FAT3: variants seen among roughly 807,000 people sequenced by gnomAD.
FAT3 encodes FAT atypical cadherin 3.
Under a neutral mutation model 310.2 loss-of-function variants are expected in FAT3, and 95 were observed. The ratio of observed to expected loss-of-function variants is 0.31; its 90% CI spans 0.26 to 0.36. The LOEUF is 0.36. Among genes scored for constraint, FAT3 ranks in the 10% least tolerant of loss-of-function variants. The pLI, the probability that FAT3 is intolerant of heterozygous loss-of-function variation, is 1.00. For synonymous variants in FAT3, 2,314 were observed against 2,192.9 expected, an observed-to-expected ratio of 1.06 and a Z score of -1.54; for missense variants, 5,408 against 5,715.6, an observed-to-expected ratio of 0.95 and a Z score of 1.74.
At chr11:92,865,938 G>A (rs1197189195) in intron 21 of FAT3, among the ~76,000 whole-genome samples, 1 of 152,174 alleles carries the variant, frequency 6.6e-6, no homozygotes, top group Non-Finnish European at 1.5e-5. Flanking sequence ...CCCAAACCAT[G>A]GCTGGGAGCA....
chr11:92,616,691 G>A (rs1041234100), intron 3 of FAT3, among the ~76,000 whole-genome samples: 1 of 152,128 alleles, frequency 6.6e-6, no homozygotes, highest in African/African-American at 2.4e-5. Context: ...AAATCTCTCA[G>A]CATTTGTTTT....
chr11:92,570,296 C>T (rs1003766078), intron 3 of FAT3, among the ~76,000 whole-genome samples: 8 of 152,138 alleles, frequency 5.3e-5, no homozygotes, highest in African/African-American at 1.9e-4. Context: ...ACAAGCCAGT[C>T]CTTGGTCATC....
At chr11:92,286,809 G>A (rs1292030856) in intron 1 of FAT3, among the ~76,000 whole-genome samples, 1 of 152,182 alleles carries the variant, frequency 6.6e-6, no homozygotes, top group African/African-American at 2.4e-5. Context: ...TGCATTAGGT[G>A]TGTAGCCTGA....
intron 1 of FAT3, among the ~76,000 whole-genome samples, chr11:92,231,835 T>C (rs1352606290): frequency 1.3e-5 from 2 of 151,800 alleles, no homozygotes; most frequent in Non-Finnish European, 2.9e-5. Context: ...AAATTCTATG[T>C]AAGTCTGTGT....
chr11:92,822,496 T>C (rs1947993800), intron 13 of FAT3, among the ~76,000 whole-genome samples: 1 of 152,198 alleles, frequency 6.6e-6, no homozygotes, highest in South Asian at 2.1e-4. Context: ...CTCCAGGGCA[T>C]GTTGAGGCTT....
intron 3 of FAT3, among the ~76,000 whole-genome samples, chr11:92,682,605 C>T (rs888731735): frequency 1.3e-5 from 2 of 152,106 alleles, no homozygotes; most frequent in Non-Finnish European, 1.5e-5. Context: ...CATTCAGTTG[C>T]GAACTGAAAC....
At chr11:92,731,360 C>G (rs1945172462) in intron 4 of FAT3, among the ~76,000 whole-genome samples, 1 of 152,098 alleles carries the variant, frequency 6.6e-6, no homozygotes, top group Non-Finnish European at 1.5e-5. Flanking sequence ...ATGGTGCCAG[C>G]CATCCTACAG....
intron 2 of FAT3, among the ~76,000 whole-genome samples, chr11:92,466,117 G>A (rs931546838): frequency 6.6e-6 from 1 of 152,128 alleles, no homozygotes; most frequent in East Asian, 1.9e-4. Context: ...TGTATCCAAG[G>A]TAGGAATGAT....
chr11:92,617,053 A>G (rs1157435351), intron 3 of FAT3, among the ~76,000 whole-genome samples: 2 of 152,154 alleles, frequency 1.3e-5, no homozygotes, highest in African/African-American at 4.8e-5. Context: ...GTTCTCCTGG[A>G]TAATATCCTG....
chr11:92,383,826 A>T (rs1326727879), intron 2 of FAT3, among the ~76,000 whole-genome samples: 3 of 152,136 alleles, frequency 2.0e-5, no homozygotes, highest in Non-Finnish European at 2.9e-5. Flanking sequence ...CATTTTTTTT[A>T]AAAGGAAAGA....
At chr11:92,626,013 C>G (rs1213373752) in intron 3 of FAT3, among the ~76,000 whole-genome samples, 1 of 152,116 alleles carries the variant, frequency 6.6e-6, no homozygotes, top group African/African-American at 2.4e-5. Context: ...CAGAAAAATG[C>G]AAGAGAGTAG....
chr11:92,637,835 T>A (rs912063519), intron 3 of FAT3, among the ~76,000 whole-genome samples: 1 of 152,228 alleles, frequency 6.6e-6, no homozygotes, highest in Non-Finnish European at 1.5e-5. Context: ...ACATCCCTTA[T>A]TATACATGAG....
chr11:92,728,596 AAAC>A (rs1945072244), intron 4 of FAT3, among the ~76,000 whole-genome samples: 1 of 152,122 alleles, frequency 6.6e-6, no homozygotes, highest in Non-Finnish European at 1.5e-5. Context: ...TGTTGGCTTA[AAAC>A]AACAAGAATT....
chr11:92,413,010 G>A (rs1481768556), intron 2 of FAT3, among the ~76,000 whole-genome samples: 1 of 151,684 alleles, frequency 6.6e-6, no homozygotes, highest in Non-Finnish European at 1.5e-5. Flanking sequence ...TGTGGGTTTG[G>A]ACAAATGTAT....
intron 17 of FAT3, among the ~76,000 whole-genome samples, chr11:92,838,357 C>A (rs2136277894): frequency 6.6e-6 from 1 of 152,302 alleles, no homozygotes; most frequent in East Asian, 1.9e-4. Context: ...TTGTTTAACA[C>A]TTTAAATCCA....
At chr11:92,775,128 C>T (rs1946565597) in intron 7 of FAT3, among the ~76,000 whole-genome samples, 1 of 152,110 alleles carries the variant, frequency 6.6e-6, no homozygotes, top group Non-Finnish European at 1.5e-5. Context: ...TCATCAAGGC[C>T]CATTTTTCTG....
At chr11:92,882,585 T>C (rs112825199) in intron 23 of FAT3, among the ~76,000 whole-genome samples, 153 bp from the exon 24 acceptor site, 7,834 of 91,632 alleles carry the variant, frequency 0.085, 171 homozygotes, top group African/African-American at 0.12. Flanking sequence ...TAACTCCCCC[T>C]CCCCCCCCCC....
At chr11:92,586,608 T>C (rs1410399980) in intron 3 of FAT3, among the ~76,000 whole-genome samples, 1 of 151,782 alleles carries the variant, frequency 6.6e-6, no homozygotes, top group Non-Finnish European at 1.5e-5. Context: ...GCCAGGGTAA[T>C]AGAGTTGTTA....
intron 2 of FAT3, among the ~76,000 whole-genome samples, chr11:92,487,550 T>G (rs1224728643): frequency 6.6e-6 from 1 of 152,166 alleles, no homozygotes; most frequent in Non-Finnish European, 1.5e-5. Context: ...AGAGATCTTT[T>G]AACTCTCGCA....
Sources: gnomAD v4.1 joint callset for allele counts (sites outside exome capture counted in the v4.1 genomes callset) on GRCh38, gnomAD v4.1.1 for gene constraint, MANE v1.5 for transcripts, NCBI Gene and HGNC (gene_info 2026-07-23, HGNC 2026-07-21) for gene names.